CD247: variants seen among roughly 807,000 people sequenced by gnomAD.
The protein encoded by CD247 is CD247 molecule.
In CD247, 13 loss-of-function variants were observed where a neutral mutation model predicts 30.0. The observed-to-expected ratio is 0.43, with a 90% CI of 0.28 to 0.69. The LOEUF is 0.69. Ranked by LOEUF, CD247 falls within the 30% of genes least tolerant of loss-of-function variation. CD247 has a pLI of 0.16. For missense variants in CD247, 193 were observed against 212.6 expected, an observed-to-expected ratio of 0.91 and a Z score of 0.57; for synonymous variants, 72 against 80.0, an observed-to-expected ratio of 0.90 and a Z score of 0.53.
intron 5 of CD247, chr1:167,434,277 C>A: frequency 1.6e-6 from 1 of 624,442 alleles, no homozygotes; most frequent in East Asian, 2.8e-5. Flanking sequence ...ATCCTCAGCC[C>A]TTTGGAGTCT....
intron 1 of CD247, among the ~76,000 whole-genome samples, chr1:167,496,706 T>C (rs1558027103): frequency 6.6e-6 from 1 of 152,148 alleles, no homozygotes; most frequent in Non-Finnish European, 1.5e-5. Flanking sequence ...AGAAGGGACA[T>C]AACCAGGGAT....
intron 4 of CD247, among the ~76,000 whole-genome samples, chr1:167,436,448 T>C (rs1773538): frequency 0.86 from 131,297 of 152,202 alleles, 56,798 homozygotes; most frequent in South Asian, 0.91. Context: ...TTCTATTCAA[T>C]ATAGTAACAT....
intron 1 of CD247, among the ~76,000 whole-genome samples, chr1:167,506,262 T>C (rs753227936): frequency 7.2e-5 from 1 of 13,874 alleles, no homozygotes; most frequent in African/African-American, 4.1e-4. Flanking sequence ...TTTTCTTTTC[T>C]TTTCTTTTCC....
chr1:167,508,588 T>G (rs1655248964), intron 1 of CD247, among the ~76,000 whole-genome samples: 1 of 152,176 alleles, frequency 6.6e-6, no homozygotes, highest in African/African-American at 2.4e-5. Flanking sequence ...CAGAAAGCAT[T>G]TGTGTATTTT....
intron 1 of CD247, among the ~76,000 whole-genome samples, chr1:167,444,618 C>T (rs1651985679): frequency 1.3e-5 from 2 of 152,112 alleles, no homozygotes; most frequent in Non-Finnish European, 2.9e-5. Context: ...CTTAAGTGGC[C>T]TGGAGTGGAA....
At chr1:167,467,486 C>T (rs1187422039) in intron 1 of CD247, among the ~76,000 whole-genome samples, 5 of 152,180 alleles carry the variant, frequency 3.3e-5, no homozygotes, top group Admixed American at 1.3e-4. Context: ...TTCTTTGCCT[C>T]GGTGACTCAG....
chr1:167,489,937 G>A (rs945592405), intron 1 of CD247, among the ~76,000 whole-genome samples: 15 of 152,178 alleles, frequency 9.9e-5, no homozygotes, highest in African/African-American at 3.4e-4. Context: ...CGAGGTTTCT[G>A]GGCAGCCAGG....
rs1036476080 is a variant in CD247, at chr1:167,494,015, T to C, written c.58+24393A>G. ...GTGCAGCCTCCGGGACCCAGGACTT[T>C]CTTCTCAGGGCTCTGCTGAGTTGGG... On this transcript the variant is annotated intron_variant, in intron 1 of 7. Coordinates refer to ENST00000362089, the MANE Select transcript of CD247 (RefSeq NM_198053.3). This position sits in a 1 kb window ranked among gnomAD's most constrained non-coding sequence, Gnocchi z 7.3. Among the ~76,000 whole-genome samples the C allele has an allele frequency of 2.0e-5, 3 of 152,062 alleles. No individual in the cohort carries two copies. The highest frequency in any genetic ancestry group is 4.4e-5 in the Non-Finnish European group (3 of 68,022).
In CD247 at chr1:167,504,319, C is replaced by T. The variant is rs143699634; in HGVS notation, c.58+14089G>A. Among the ~76,000 whole-genome samples, 819 of 152,334 alleles carry T rather than the reference C, an allele frequency of 5.4e-3. 7 individuals carry two copies. Among genetic ancestry groups the T allele is most frequent in the African/African-American group, 0.014 (585 of 41,576 alleles). The stretch of plus-strand genomic sequence containing the variant: ...ATCACTTTACCAGCCAGGCATATCC[C>T]TCTCCTCTAGAAATGTGAGTACTTT... On this transcript the variant is annotated intron_variant, in intron 1 of 7. Coordinates refer to ENST00000362089, the MANE Select transcript of CD247 (RefSeq NM_198053.3).
chr1:167,497,935 C>T (rs952279526), intron 1 of CD247, among the ~76,000 whole-genome samples: 10 of 152,192 alleles, frequency 6.6e-5, no homozygotes, highest in Admixed American at 1.3e-4. Context: ...AAAAAGATGC[C>T]AAAAAAGCCT....
At chr1:167,439,291 C>T in intron 3 of CD247, 53 bp downstream of exon 3, 1 of 1,543,278 alleles carries the variant, frequency 6.5e-7, no homozygotes, top group Non-Finnish European at 9.0e-7. Context: ...TCCCTAGGTC[C>T]GAGGAGGAGG....
intron 1 of CD247, among the ~76,000 whole-genome samples, chr1:167,452,225 C>CAAAAA (rs1553230465): frequency 3.3e-5 from 5 of 150,302 alleles, no homozygotes; most frequent in African/African-American, 1.2e-4. Context: ...AACTCCATCT[C>CAAAAA]AAACAAAACA....
At position 167,440,777 on chromosome 1, in the gene CD247, G is replaced by A; in HGVS notation, c.59-10C>T. 1 of 1,599,146 alleles carries A rather than the reference G, an allele frequency of 6.3e-7. No homozygotes were observed. The highest frequency in any genetic ancestry group is 1.1e-5 in the South Asian group (1 of 90,418). On this transcript the variant is annotated splice_polypyrimidine_tract_variant and intron_variant, in intron 1 of 7. Transcript: ENST00000362089. ...CCAAAGCTCTGTGCCTCTGTGCCAAGAGATAAAGCTGGTCAGCCAGGCCCA... is the reference window on the plus strand; with the variant it reads ...CCAAAGCTCTGTGCCTCTGTGCCAAAAGATAAAGCTGGTCAGCCAGGCCCA...
At chr1:167,482,570 G>C (rs2949657) in intron 1 of CD247, among the ~76,000 whole-genome samples, 1 of 151,760 alleles carries the variant, frequency 6.6e-6, no homozygotes, top group African/African-American at 2.4e-5. Flanking sequence ...GGGGCCAAGG[G>C]CTGACTTCTA....
rs532198292 is a variant in CD247, at chr1:167,438,369, G to A, written c.300+201C>T. On this transcript the variant is annotated intron_variant, in intron 4 of 7. Coordinates refer to ENST00000362089, the MANE Select transcript of CD247 (RefSeq NM_198053.3). ...GTGGGGTGCCACGTCCGGGGGTGAG[G>A]CCCCTTGAGATGCAGAATGGAGCCA... Among the ~76,000 whole-genome samples, 13 of 152,306 alleles carry A rather than the reference G, an allele frequency of 8.5e-5. No homozygotes were observed. The South Asian group carries it at 2.7e-3, about 32-fold the overall frequency.
At position 167,440,441 on chromosome 1, in the gene CD247, TGC is replaced by T. The variant is rs577763762; in HGVS notation, c.162+221_162+222del. 342 of 598,036 alleles carry T rather than the reference TGC, an allele frequency of 5.7e-4. 7 individuals carry two copies. Among genetic ancestry groups the T allele is most frequent in the South Asian group, 5.6e-3 (292 of 52,080 alleles). 37.0% of individuals were successfully genotyped at this position (598,036 alleles called of 1,614,324 possible). On this transcript the variant is annotated intron_variant, in intron 2 of 7. Transcript: ENST00000362089. The stretch of plus-strand genomic sequence containing the variant: ...ACATTTGTACGGCTTGTCATGGAGG[TGC>T]CTAGCACCAGGCTCTCCCTCCTACC...
chr1:167,497,061 C>T (rs890704752), intron 1 of CD247, among the ~76,000 whole-genome samples: 2 of 152,156 alleles, frequency 1.3e-5, no homozygotes, highest in Non-Finnish European at 2.9e-5. Context: ...ATTCATAATG[C>T]GTCCAAACAT....
At chr1:167,497,285 A>T (rs1571587470) in intron 1 of CD247, among the ~76,000 whole-genome samples, 1 of 152,240 alleles carries the variant, frequency 6.6e-6, no homozygotes, top group Admixed American at 6.5e-5. Flanking sequence ...AACATTTTTT[A>T]AAATGATTTT....
chr1:167,511,518 GA>G (rs1655386621), intron 1 of CD247, among the ~76,000 whole-genome samples: 1 of 152,124 alleles, frequency 6.6e-6, no homozygotes, highest in Non-Finnish European at 1.5e-5. Flanking sequence ...TCTCCATTTA[GA>G]ACCATCATAA....
Sources: allele counts gnomAD v4.1 joint callset (sites outside exome capture counted in the v4.1 genomes callset), GRCh38; gene constraint gnomAD v4.1.1; non-coding constraint Gnocchi (gnomAD v3.1); transcripts MANE v1.5; gene names NCBI Gene and HGNC (gene_info 2026-07-23, HGNC 2026-07-21).